Variants in SORCS1 observed in about 807,000 individuals in gnomAD.
SORCS1 encodes the protein sortilin related VPS10 domain containing receptor 1, also known as VPS10 domain-containing receptor SorCS1.
SORCS1 carries 60 observed loss-of-function variants against 146.1 expected under a neutral mutation model. The observed-to-expected ratio is 0.41, with a 90% CI of 0.33 to 0.51. SORCS1 has a LOEUF of 0.51. Ranked by LOEUF, SORCS1 falls within the 20% of genes least tolerant of loss-of-function variation. SORCS1 has a pLI of 0.21. For synonymous variants in SORCS1, 637 were observed against 584.0 expected (o/e 1.09, Z -1.31); for missense variants, 1,352 against 1,487.6 (o/e 0.91, Z 1.50).
At chr10:106,924,764 ATTT>A (rs368269912) in intron 2 of SORCS1, among the ~76,000 whole-genome samples, 2 of 99,916 alleles carry the variant, frequency 2.0e-5, no homozygotes, top group Admixed American at 1.0e-4. Context: ...AACTGCATGG[ATTT>A]TTTTTTTTTT....
chr10:106,977,589 A>ATTTTTTT, intron 1 of SORCS1, among the ~76,000 whole-genome samples: 1 of 133,456 alleles, frequency 7.5e-6, no homozygotes, highest in African/African-American at 2.8e-5. Flanking sequence ...CATTCATTGG[A>ATTTTTTT]TTTTTTTTTT....
At chr10:107,129,899 G>T (rs1016017887) in intron 1 of SORCS1, among the ~76,000 whole-genome samples, 1 of 152,204 alleles carries the variant, frequency 6.6e-6, no homozygotes, top group Non-Finnish European at 1.5e-5. Context: ...CTTTGCTCAA[G>T]TGGGAGTTTC....
At chr10:107,154,928 A>T (rs1018889521) in intron 1 of SORCS1, among the ~76,000 whole-genome samples, 3 of 152,222 alleles carry the variant, frequency 2.0e-5, no homozygotes, top group Non-Finnish European at 4.4e-5. Flanking sequence ...CTCATTTTAC[A>T]GATGAGGGAA....
At chr10:106,992,933 G>T (rs1589872874) in intron 1 of SORCS1, among the ~76,000 whole-genome samples, 1 of 140,946 alleles carries the variant, frequency 7.1e-6, no homozygotes, top group Non-Finnish European at 1.5e-5. Context: ...CCTGGTTCAA[G>T]CAACTCTCCC....
chr10:107,163,678 G>A (rs1207319228), intron 1 of SORCS1, among the ~76,000 whole-genome samples: 1 of 152,048 alleles, frequency 6.6e-6, no homozygotes, highest in Non-Finnish European at 1.5e-5. Context: ...CTGTTTACCT[G>A]GTCTTCAGTT....
At chr10:106,885,951 C>G (rs1950984400) in intron 2 of SORCS1, among the ~76,000 whole-genome samples, 1 of 152,132 alleles carries the variant, frequency 6.6e-6, no homozygotes, top group African/African-American at 2.4e-5. Flanking sequence ...TAGCCATGTG[C>G]AACTGTGAGT....
At chr10:107,095,633 A>C (rs1964496997) in intron 1 of SORCS1, among the ~76,000 whole-genome samples, 1 of 152,204 alleles carries the variant, frequency 6.6e-6, no homozygotes, top group Non-Finnish European at 1.5e-5. Flanking sequence ...TTATGCAGAA[A>C]TAAAGTTATA....
chr10:107,164,298 G>A lies in SORCS1; in HGVS notation c.229C>T (p.Leu77=), dbSNP rs778361835. Residue 77 remains leucine, a synonymous_variant, in exon 1 of 26, where the codon CTG becomes TTG. Coordinates refer to ENST00000263054, the MANE Select transcript of SORCS1 (RefSeq NM_052918.5). The surrounding 1 kb of genome is among the most constrained non-coding windows in gnomAD (Gnocchi z 6.8). The part of the protein sequence containing the change: ...ATPLPLVVRP[L]FSVAPGDRAL... Reference sequence around the variant, plus strand: ...CGGTCCCCGGGGGCCACTGAGAACAGGGGACGCACTACGAGGGGCAGGGGC... The same window carrying A: ...CGGTCCCCGGGGGCCACTGAGAACAAGGGACGCACTACGAGGGGCAGGGGC... 3.1e-6 allele frequency: 5 copies of A among 1,587,974 alleles called. No homozygotes were observed. The highest frequency in any genetic ancestry group is 4.3e-6 in the Non-Finnish European group (5 of 1,171,288).
chr10:107,157,617 T>C (rs1969390097), intron 1 of SORCS1, among the ~76,000 whole-genome samples: 1 of 152,250 alleles, frequency 6.6e-6, no homozygotes, highest in South Asian at 2.1e-4. Context: ...TTCATATGTG[T>C]GTAAAATCTC....
chr10:106,621,068 T>A (rs539880953), intron 19 of SORCS1, among the ~76,000 whole-genome samples: 1 of 152,330 alleles, frequency 6.6e-6, no homozygotes, highest in African/African-American at 2.4e-5. Context: ...TGCAAAGCTG[T>A]CTAGTTAGGT....
intron 16 of SORCS1, among the ~76,000 whole-genome samples, chr10:106,670,426 C>T (rs1213284270): frequency 6.6e-6 from 1 of 152,178 alleles, no homozygotes; most frequent in South Asian, 2.1e-4. Context: ...CTACGTTCAC[C>T]GAGTTACAGA....
chr10:106,840,841 T>TTTTATA (rs1450500406), intron 2 of SORCS1, among the ~76,000 whole-genome samples: 4 of 113,862 alleles, frequency 3.5e-5, no homozygotes, highest in African/African-American at 1.4e-4. Context: ...TTTAGTTATA[T>TTTTATA]TATATATATA....
intron 1 of SORCS1, among the ~76,000 whole-genome samples, chr10:106,969,845 T>C (rs1312690080): frequency 6.6e-6 from 1 of 152,204 alleles, no homozygotes; most frequent in Non-Finnish European, 1.5e-5. Flanking sequence ...CTCTGAATCT[T>C]AAGCTTCATT....
At chr10:106,902,221 T>C (rs1322016637) in intron 2 of SORCS1, among the ~76,000 whole-genome samples, 1 of 152,188 alleles carries the variant, frequency 6.6e-6, no homozygotes, top group African/African-American at 2.4e-5. Context: ...GGTTTCTTGA[T>C]ACAGACCCTC....
rs74154854 is a variant in SORCS1, at chr10:107,156,692, C to T, written c.558+7277G>A. Among the ~76,000 whole-genome samples, 199 of 152,336 alleles carry T rather than the reference C, an allele frequency of 1.3e-3. 2 individuals carry two copies. The highest frequency in any genetic ancestry group is 4.5e-3 in the African/African-American group (187 of 41,580). On this transcript the variant is annotated intron_variant, in intron 1 of 25. Transcript: ENST00000263054. The stretch of plus-strand genomic sequence containing the variant: ...AACAGGCAGTCCTTCAGTTTGACTA[C>T]TGCTGCTCCAAAATGTTGATTGACA...
At chr10:107,132,864 A>T (rs2418954) in intron 1 of SORCS1, among the ~76,000 whole-genome samples, 24,709 of 148,288 alleles carry the variant, frequency 0.17, 2,508 homozygotes, top group East Asian at 0.35. Flanking sequence ...AAAATAAAAA[A>T]AAATAAAAAA....
At chr10:106,800,505 A>T (rs1400451381) in intron 3 of SORCS1, among the ~76,000 whole-genome samples, 1 of 140,220 alleles carries the variant, frequency 7.1e-6, no homozygotes, top group Non-Finnish European at 1.5e-5. Context: ...CATAGGTTCT[A>T]GGTGAATCTT....
At chr10:106,625,471 A>G (rs1487015103) in intron 19 of SORCS1, among the ~76,000 whole-genome samples, 2 of 152,216 alleles carry the variant, frequency 1.3e-5, no homozygotes, top group East Asian at 1.9e-4. Flanking sequence ...TTATGATGCC[A>G]TACTTCCAGG....
chr10:107,107,666 G>A (rs72812996), intron 1 of SORCS1, among the ~76,000 whole-genome samples: 1 of 152,130 alleles, frequency 6.6e-6, no homozygotes, highest in Non-Finnish European at 1.5e-5. Context: ...GGGAACCTTG[G>A]ATTAATTTAG....
Sources: allele counts gnomAD v4.1 joint callset (sites outside exome capture counted in the v4.1 genomes callset), GRCh38; gene constraint gnomAD v4.1.1; non-coding constraint Gnocchi (gnomAD v3.1); transcripts MANE v1.5; gene names NCBI Gene and HGNC (gene_info 2026-07-23, HGNC 2026-07-21).